The following MBD5 variants were observed in gnomAD, a reference collection of about 807,000 sequenced individuals.
MBD5 encodes the protein methyl-CpG binding domain protein 5, also known as methyl-CpG-binding domain protein 5.
Under a neutral mutation model 117.3 loss-of-function variants are expected in MBD5, and 13 were observed. That is an observed-to-expected ratio of 0.11 (90% CI 0.07 to 0.18). MBD5 has a LOEUF of 0.18. Among genes scored for constraint, MBD5 ranks in the 10% least tolerant of loss-of-function variants. The probability of loss-of-function intolerance (pLI) is 1.00; values close to 1 mark genes in which losing one functional copy is unlikely to be tolerated. For synonymous variants in MBD5, 727 were observed against 766.4 expected (o/e 0.95, Z 0.85); for missense variants, 1,879 against 2,093.8 (o/e 0.90, Z 2.00).
intron 1 of MBD5, among the ~76,000 whole-genome samples, chr2:148,049,889 C>A (rs181355870): frequency 1.3e-5 from 2 of 152,286 alleles, no homozygotes; most frequent in East Asian, 3.9e-4. Flanking sequence ...ATCAGTACTT[C>A]AATCTCCTTT....
At chr2:148,155,866 G>C (rs548469391) in intron 1 of MBD5, among the ~76,000 whole-genome samples, 10 of 152,326 alleles carry the variant, frequency 6.6e-5, no homozygotes, top group Admixed American at 5.9e-4. Flanking sequence ...CACATGGGAG[G>C]CTGGTAGCTC....
chr2:148,428,910 A>T (rs1705896237), intron 4 of MBD5, among the ~76,000 whole-genome samples: 1 of 152,236 alleles, frequency 6.6e-6, no homozygotes, highest in African/African-American at 2.4e-5. Context: ...AAACCTGGGC[A>T]CTACCATTCA....
chr2:148,434,863 G>A (rs1706107465), intron 4 of MBD5, among the ~76,000 whole-genome samples: 1 of 149,574 alleles, frequency 6.7e-6, no homozygotes, highest in Non-Finnish European at 1.5e-5. Flanking sequence ...TGTTGTGTGG[G>A]AATCTACACC....
chr2:148,179,532 A>G (rs1204262985), intron 2 of MBD5, among the ~76,000 whole-genome samples: 1 of 152,210 alleles, frequency 6.6e-6, no homozygotes, highest in Admixed American at 6.5e-5. Context: ...ACACTCTGTC[A>G]TAGTTTCATA....
At chr2:148,488,649 GC>G (rs1436912009) in intron 10 of MBD5, among the ~76,000 whole-genome samples, 5 of 120,962 alleles carry the variant, frequency 4.1e-5, no homozygotes, top group African/African-American at 1.6e-4. Flanking sequence ...CTTAGATGGT[GC>G]GGGGGTGGGG....
intron 4 of MBD5, among the ~76,000 whole-genome samples, chr2:148,372,037 C>T (rs1703868052): frequency 6.6e-6 from 1 of 151,982 alleles, no homozygotes; most frequent in South Asian, 2.1e-4. Flanking sequence ...GCAAACTGGA[C>T]CATGATAAGC....
At chr2:148,460,543 G>C (rs1707036274) in intron 5 of MBD5, among the ~76,000 whole-genome samples, 1 of 152,294 alleles carries the variant, frequency 6.6e-6, no homozygotes, top group African/African-American at 2.4e-5. Flanking sequence ...TCAATGTGCA[G>C]TTTACTCATA....
intron 3 of MBD5, among the ~76,000 whole-genome samples, chr2:148,277,420 CAAATAT>C (rs1559001892): frequency 1.3e-5 from 2 of 152,090 alleles, no homozygotes; most frequent in East Asian, 3.9e-4. Flanking sequence ...ATAATACAAA[CAAATAT>C]AAATATATGT....
intron 4 of MBD5, among the ~76,000 whole-genome samples, chr2:148,391,773 A>T (rs1427016762): frequency 6.6e-6 from 1 of 152,188 alleles, no homozygotes; most frequent in Non-Finnish European, 1.5e-5. Flanking sequence ...ATATTGATGA[A>T]GTTATCAGAT....
At chr2:148,270,730 C>T (rs1379594190) in intron 3 of MBD5, among the ~76,000 whole-genome samples, 2 of 151,446 alleles carry the variant, frequency 1.3e-5, no homozygotes, top group African/African-American at 4.8e-5. Context: ...TTTTTGTTTT[C>T]AGCCTCATAG....
At chr2:148,268,831 T>C (rs1172615243) in intron 3 of MBD5, among the ~76,000 whole-genome samples, 1 of 151,998 alleles carries the variant, frequency 6.6e-6, no homozygotes, top group Non-Finnish European at 1.5e-5. Context: ...TAAACTCTAC[T>C]TCATCATGTA....
chr2:148,295,413 G>A (rs887733307), intron 3 of MBD5, among the ~76,000 whole-genome samples: 1 of 151,854 alleles, frequency 6.6e-6, no homozygotes, highest in Non-Finnish European at 1.5e-5. Context: ...AAAATCCATA[G>A]TCTTTGCTTC....
intron 4 of MBD5, among the ~76,000 whole-genome samples, chr2:148,438,928 C>T (rs1049356022): frequency 2.0e-5 from 3 of 152,148 alleles, no homozygotes; most frequent in Non-Finnish European, 2.9e-5. Flanking sequence ...CCTGGAAACA[C>T]CATCACAGAT....
intron 2 of MBD5, among the ~76,000 whole-genome samples, chr2:148,202,341 T>G (rs986852123): frequency 1.3e-5 from 2 of 152,172 alleles, no homozygotes; most frequent in Non-Finnish European, 2.9e-5. Context: ...GTAGTGATAT[T>G]CAAGCAGAAA....
In MBD5 at chr2:148,326,443, A is replaced by G. The variant is rs369146189; in HGVS notation, c.-679-15771A>G. Reference sequence around the variant, plus strand: ...CTAATGTTGACAGTGGGGTGTTAAAATCTCCCATTATTAATGTGTGGGAGT... The same window carrying G: ...CTAATGTTGACAGTGGGGTGTTAAAGTCTCCCATTATTAATGTGTGGGAGT... On this transcript the variant is annotated intron_variant, in intron 3 of 13. Transcript: ENST00000642680. Among the ~76,000 whole-genome samples the G allele has an allele frequency of 6.6e-5, 10 of 151,898 alleles. No individual in the cohort carries two copies. In the East Asian group the frequency reaches 9.7e-4, roughly 15 times the overall value.
At chr2:148,167,937 G>T (rs1698168521) in intron 1 of MBD5, among the ~76,000 whole-genome samples, 1 of 152,076 alleles carries the variant, frequency 6.6e-6, no homozygotes, top group Non-Finnish European at 1.5e-5. Flanking sequence ...TTAAGTAATA[G>T]ACTGCTGACT....
chr2:148,074,507 G>GC (rs1553469621), intron 1 of MBD5, among the ~76,000 whole-genome samples: 1 of 113,772 alleles, frequency 8.8e-6, no homozygotes, highest in East Asian at 2.5e-4. Flanking sequence ...TTTTTTTTTT[G>GC]TTTTTTTTTT....
At chr2:148,355,045 T>C (rs753496234) in intron 4 of MBD5, among the ~76,000 whole-genome samples, 1 of 152,192 alleles carries the variant, frequency 6.6e-6, no homozygotes, top group South Asian at 2.1e-4. Flanking sequence ...TTTTTTCATA[T>C]GTTTGTTGGC....
chr2:148,431,387 TGGCCTTTAACATTTGTTTTA>T (rs1200393628), intron 4 of MBD5, among the ~76,000 whole-genome samples: 4 of 152,168 alleles, frequency 2.6e-5, no homozygotes, highest in African/African-American at 7.2e-5. Flanking sequence ...GCATTCTGTC[TGGCCTTTAACATTTGTTTTA>T]GGTTTGGTGT....
Sources: gnomAD v4.1 joint callset for allele counts (sites outside exome capture counted in the v4.1 genomes callset) on GRCh38, gnomAD v4.1.1 for gene constraint, MANE v1.5 for transcripts, NCBI Gene and HGNC (gene_info 2026-07-23, HGNC 2026-07-21) for gene names.